TLCD3B: variants seen among roughly 807,000 people sequenced by gnomAD.
TLCD3B encodes ceramide synthase.
Under a neutral mutation model 23.0 loss-of-function variants are expected in TLCD3B, and 9 were observed. That is an observed-to-expected ratio of 0.39 (90% CI 0.24 to 0.68). TLCD3B has a LOEUF of 0.68. TLCD3B is among the 30% of genes least tolerant of loss of function. The pLI is 0.44. For synonymous variants in TLCD3B, 161 were observed against 161.0 expected (o/e 1.00, Z 0.00); for missense variants, 307 against 371.8 (o/e 0.83, Z 1.43).
In TLCD3B at chr16:30,030,462, C is replaced by G. The variant is rs770657495; in HGVS notation, c.66G>C (p.Thr22=). The part of the protein sequence containing the change: ...FPGLFLLSKN[T]LQRLPQLRWE... ...AGCGTAGCTGGGGCAGCCGCTGGAG[C>G]GTGTTCTTGGAGAGGAGGAAGAGTC... is the stretch of plus-strand genomic sequence containing the variant. Residue 22 remains threonine, a synonymous_variant, in exon 1 of 5, where the codon ACG becomes ACC. Coordinates refer to ENST00000380495, the MANE Select transcript of TLCD3B (RefSeq NM_031478.6). The G allele has an allele frequency of 1.2e-6, 2 of 1,607,464 alleles. No individual in the cohort carries two copies. Among genetic ancestry groups the G allele is most frequent in the Admixed American group, 1.7e-5 (1 of 57,978 alleles).
At chr16:30,027,772 A>T in intron 2 of TLCD3B, 1 of 421,908 alleles carries the variant, frequency 2.4e-6, no homozygotes, top group Non-Finnish European at 4.8e-6. Context: ...TAGTCCCAAG[A>T]CTGGCCTGGG....
chr16:30,039,943 G>A (rs919488739), intron 3 of TLCD3B, among the ~76,000 whole-genome samples: 1 of 151,680 alleles, frequency 6.6e-6, no homozygotes, highest in Non-Finnish European at 1.5e-5. Context: ...AGACCAGCCT[G>A]GCCAACATGG....
chr16:30,045,259 G>A (rs2071644959), intron 2 of TLCD3B, among the ~76,000 whole-genome samples: 1 of 150,582 alleles, frequency 6.6e-6, no homozygotes, highest in Non-Finnish European at 1.5e-5. Context: ...TGTGTGTGGT[G>A]TGTGTGTGAT....
chr16:30,043,923 C>G (rs897415826), intron 2 of TLCD3B, among the ~76,000 whole-genome samples: 1 of 150,856 alleles, frequency 6.6e-6, no homozygotes, highest in African/African-American at 2.4e-5. Flanking sequence ...TGAGCTCCAG[C>G]AATACGCCCG....
intron 2 of TLCD3B, chr16:30,027,884 C>T (rs1430503758): frequency 5.9e-6 from 2 of 339,630 alleles, no homozygotes; most frequent in East Asian, 1.5e-4. Flanking sequence ...AAACATGAGG[C>T]ACGTGGAGGA....
At chr16:30,050,571 G>A (rs1467116620) in intron 1 of TLCD3B, among the ~76,000 whole-genome samples, 1 of 152,100 alleles carries the variant, frequency 6.6e-6, no homozygotes, top group Non-Finnish European at 1.5e-5. Context: ...ACAAAAACCG[G>A]AAGACAGCCT....
chr16:30,051,068 G>A (rs2071741133), intron 1 of TLCD3B, among the ~76,000 whole-genome samples: 2 of 152,180 alleles, frequency 1.3e-5, no homozygotes, highest in East Asian at 1.9e-4. Context: ...TGCTTCATTC[G>A]TGGATGGTGT....
rs1025026273 is a variant in TLCD3B at position 30,029,992 on chromosome 16, T to C, written c.125+411A>G. The stretch of plus-strand genomic sequence containing the variant: ...ACTGCCACCAGCCTCCACTCTGCAC[T>C]CTGGCCCTGTTCTAGGGGTGTAGAG... On this transcript the variant is annotated intron_variant, in intron 1 of 4. Coordinates refer to ENST00000380495, the MANE Select transcript of TLCD3B (RefSeq NM_031478.6). This position sits in a 1 kb window ranked among gnomAD's most constrained non-coding sequence, Gnocchi z 4.6. The C allele has an allele frequency of 3.8e-6, 5 of 1,306,088 alleles. No homozygotes were observed. In the Admixed American group the frequency reaches 9.1e-5, roughly 24 times the overall value. The allele number at this position is 1,306,088 out of a possible 1,614,324, so 80.9% of individuals were successfully genotyped here.
Position 30,025,919 on chromosome 16 carries a change from C to T in TLCD3B, c.445-98G>A, listed in dbSNP as rs1336938095. On this transcript the variant is annotated intron_variant, in intron 3 of 4. Coordinates refer to ENST00000380495, the MANE Select transcript of TLCD3B (RefSeq NM_031478.6). The surrounding 1 kb of genome is among the most constrained non-coding windows in gnomAD (Gnocchi z 4.1). ...TTCCCCTCTGTCACTTTGGGAGATG[C>T]TTGACTCTGAACATCAGAACACCTG... The T allele has an allele frequency of 3.2e-6, 3 of 930,530 alleles. No individual in the cohort carries two copies. The African/African-American group carries it at 4.9e-5, about 15-fold the overall frequency. The allele number at this position is 930,530 out of a possible 1,614,324, so 57.6% of individuals were successfully genotyped here. A position where few individuals can be genotyped will look rare whatever the true frequency, so the allele number is the denominator to read the frequency against.
intron 2 of TLCD3B, among the ~76,000 whole-genome samples, chr16:30,042,604 C>T (rs1164329520): frequency 6.6e-6 from 1 of 152,128 alleles, no homozygotes; most frequent in East Asian, 1.9e-4. Flanking sequence ...TAAGTGGAAG[C>T]TGAGAGGTTA....
intron 2 of TLCD3B, chr16:30,027,137 C>CACAG (rs1244732093): frequency 3.8e-6 from 2 of 524,110 alleles, no homozygotes; most frequent in South Asian, 3.1e-5. Context: ...GACCAAAAGG[C>CACAG]ACAGATACAG....
At chr16:30,031,993 T>G (rs1446840440), upstream of TLCD3B, among the ~76,000 whole-genome samples, 2 of 152,210 alleles carry the variant, frequency 1.3e-5, no homozygotes, top group East Asian at 3.8e-4. Context: ...TTCTTCAGAC[T>G]GCCAGCCCCT....
At chr16:30,049,146 C>T (rs1403977069) in intron 1 of TLCD3B, among the ~76,000 whole-genome samples, 1 of 152,072 alleles carries the variant, frequency 6.6e-6, no homozygotes. Flanking sequence ...TTGTTTCTGC[C>T]ACTCGTGCCT....
chr16:30,034,888 C>T (rs1323893019), upstream of TLCD3B, among the ~76,000 whole-genome samples: 4 of 151,278 alleles, frequency 2.6e-5, no homozygotes, highest in Non-Finnish European at 5.9e-5. Flanking sequence ...ACAAAAGACC[C>T]CACTGTTGGT....
At chr16:30,037,542 CAAA>C (rs78393499) in intron 3 of TLCD3B, among the ~76,000 whole-genome samples, 6 of 80,140 alleles carry the variant, frequency 7.5e-5, no homozygotes, top group Admixed American at 2.7e-4. Context: ...GACTGTGTTT[CAAA>C]AAAAAAAAAA....
intron 2 of TLCD3B, chr16:30,027,643 G>A (rs1375460251): frequency 2.9e-5 from 13 of 456,010 alleles, no homozygotes; most frequent in Non-Finnish European, 4.4e-6. Flanking sequence ...AGCAAAAGGA[G>A]CCAAGGACAA....
At chr16:30,032,648 T>G (rs1254812399), upstream of TLCD3B, 3 of 147,520 alleles carry the variant, frequency 2.0e-5, no homozygotes, top group Admixed American at 2.0e-4. Flanking sequence ...TGGGGTTTTT[T>G]TTTTTTTTTT....
chr16:30,051,580 A>C (rs1020662929), intron 1 of TLCD3B, among the ~76,000 whole-genome samples: 7 of 152,018 alleles, frequency 4.6e-5, no homozygotes, highest in African/African-American at 1.4e-4. Context: ...AAAAAGAATC[A>C]GTGAGTATTC....
intron 1 of TLCD3B, among the ~76,000 whole-genome samples, chr16:30,048,118 G>C (rs2150999442): frequency 2.0e-5 from 3 of 150,086 alleles, no homozygotes; most frequent in Middle Eastern, 6.9e-3. Context: ...CTCCAGCCTG[G>C]GCAACAAGAG....
Sources: allele counts gnomAD v4.1 joint callset (sites outside exome capture counted in the v4.1 genomes callset), GRCh38; gene constraint gnomAD v4.1.1; non-coding constraint Gnocchi (gnomAD v3.1); transcripts MANE v1.5; gene names NCBI Gene and HGNC (gene_info 2026-07-23, HGNC 2026-07-21).